The following PAX5 variants were observed in gnomAD, a reference collection of about 807,000 sequenced individuals.
PAX5 encodes the protein paired box 5.
PAX5 carries 9 observed loss-of-function variants against 43.7 expected under a neutral mutation model. The observed-to-expected ratio is 0.21, with a 90% confidence interval of 0.12 to 0.36. PAX5 has a LOEUF of 0.36. Among genes scored for constraint, PAX5 ranks in the 10% least tolerant of loss-of-function variants. The pLI is 1.00. For missense variants in PAX5, 383 were observed against 532.7 expected, an observed-to-expected ratio of 0.72 and a Z score of 2.77; for synonymous variants, 228 against 214.3, an observed-to-expected ratio of 1.06 and a Z score of -0.56.
intron 7 of PAX5, among the ~76,000 whole-genome samples, chr9:36,886,985 T>C (rs1172197880): frequency 2.0e-5 from 3 of 152,148 alleles, no homozygotes; most frequent in Admixed American, 6.5e-5. Context: ...ACTCACTCTT[T>C]GCAATCCTGA....
In PAX5 at chr9:37,020,813, C is replaced by G. The variant is rs761950646; in HGVS notation, c.47-12G>C. On this transcript the variant is annotated splice_polypyrimidine_tract_variant and intron_variant, in intron 1 of 9. Coordinates refer to ENST00000358127, the MANE Select transcript of PAX5 (RefSeq NM_016734.3). ...CACTCCTCCATGTCCTGAAACAGAT[C>G]AGAAACAAAAGGAAAGGGAAAGGGT... 8.1e-6 allele frequency: 13 copies of G among 1,613,382 alleles called. No homozygotes were observed. The highest frequency in any genetic ancestry group is 1.0e-5 in the Non-Finnish European group (12 of 1,179,406).
chr9:36,866,186 G>C (rs1044306189), intron 8 of PAX5, among the ~76,000 whole-genome samples: 2 of 152,242 alleles, frequency 1.3e-5, no homozygotes, highest in Admixed American at 6.5e-5. Flanking sequence ...GCCTCACCAG[G>C]GAGCGTTCGA....
chr9:36,946,070 TCC>T (rs1832478657), intron 6 of PAX5, among the ~76,000 whole-genome samples: 1 of 151,942 alleles, frequency 6.6e-6, no homozygotes, highest in African/African-American at 2.4e-5. Flanking sequence ...AGGAAGCGAC[TCC>T]CTGAGGAGTG....
chr9:36,910,797 T>G (rs1311783759), intron 7 of PAX5, among the ~76,000 whole-genome samples: 2 of 152,178 alleles, frequency 1.3e-5, no homozygotes, highest in Non-Finnish European at 2.9e-5. Flanking sequence ...GACCCCGCGC[T>G]GTGTGAAGAG....
rs1564019898 is a variant in PAX5, at chr9:36,966,805, G to A, written c.605-81C>T. On this transcript the variant is annotated intron_variant, in intron 5 of 9. Transcript: ENST00000358127. ...AAGACAGGTCAGACCCTGAGACTAT[G>A]AAGAGGACCTGACCCCAACTCCCTC... 5 of 1,312,332 alleles carry A rather than the reference G, an allele frequency of 3.8e-6. No homozygotes were observed. The East Asian group carries it at 1.2e-4, about 31-fold the overall frequency. The allele number at this position is 1,312,332 out of a possible 1,614,324, so 81.3% of individuals were successfully genotyped here.
rs912522151 is a variant in PAX5 at position 36,834,042 on chromosome 9, T to G, written c.*6518A>C. On this transcript the variant is annotated 3_prime_UTR_variant, in exon 10 of 10. Coordinates refer to ENST00000358127, the MANE Select transcript of PAX5 (RefSeq NM_016734.3). ...TCCTGGCAAAGGTTTCCATTTGCAA[T>G]GTAATCTGCATTTCTACAAATACTC... The G allele has an allele frequency of 4.3e-6, 1 of 233,074 alleles. No individual in the cohort carries two copies. Among genetic ancestry groups the G allele is most frequent in the African/African-American group, 2.2e-5 (1 of 45,332 alleles). 14.4% of individuals were successfully genotyped at this position (233,074 alleles called of 1,614,324 possible). A position where few individuals can be genotyped will look rare whatever the true frequency, so the allele number is the denominator to read the frequency against.
chr9:36,921,167 C>T (rs1160243377), intron 7 of PAX5, among the ~76,000 whole-genome samples: 1 of 152,170 alleles, frequency 6.6e-6, no homozygotes, highest in East Asian at 1.9e-4. Context: ...ACTCACTTTA[C>T]TGAGATATTT....
intron 6 of PAX5, among the ~76,000 whole-genome samples, chr9:36,934,859 C>T (rs1831412553): frequency 6.6e-6 from 1 of 152,218 alleles, no homozygotes; most frequent in Non-Finnish European, 1.5e-5. Flanking sequence ...GCTCCTGGCC[C>T]AGTGCCCAGC....
chr9:37,034,098 C>CTTTCTTTTT lies in PAX5; in HGVS notation c.-68_-67insAAAAAGAAA, dbSNP rs1841297179. ...TCCACTTTTTTGTGCCTTTTTTTTTCTTTTTTTTTTTTTTTTTTTTTTTTT... is the reference window on the plus strand; with the variant it reads ...TCCACTTTTTTGTGCCTTTTTTTTTCTTTCTTTTTTTTTTTTTTTTTTTTTTTTTTTTTT... On this transcript the variant is annotated 5_prime_UTR_variant, in exon 1 of 10. Transcript: ENST00000358127. 2.1e-5 allele frequency: 5 copies of CTTTCTTTTT among 242,536 alleles called. No homozygotes were observed. In the African/African-American group the frequency reaches 2.4e-4, roughly 12 times the overall value. 15.0% of individuals were successfully genotyped at this position (242,536 alleles called of 1,614,324 possible). A position where few individuals can be genotyped will look rare whatever the true frequency, so the allele number is the denominator to read the frequency against.
At chr9:36,899,843 C>T (rs971946036) in intron 7 of PAX5, among the ~76,000 whole-genome samples, 1 of 152,214 alleles carries the variant, frequency 6.6e-6, no homozygotes, top group Non-Finnish European at 1.5e-5. Flanking sequence ...GCTCCACTGC[C>T]ACAACCCCCA....
chr9:36,918,611 T>C (rs1829894500), intron 7 of PAX5, among the ~76,000 whole-genome samples: 1 of 152,066 alleles, frequency 6.6e-6, no homozygotes, highest in South Asian at 2.1e-4. Flanking sequence ...CAGTGAGCCA[T>C]GATTGCACCA....
intron 7 of PAX5, among the ~76,000 whole-genome samples, chr9:36,890,399 G>A (rs890320762): frequency 7.2e-5 from 11 of 152,156 alleles, no homozygotes; most frequent in African/African-American, 2.7e-4. Flanking sequence ...AGGGAATATG[G>A]GGGAACTGGC....
intron 1 of PAX5, among the ~76,000 whole-genome samples, chr9:37,030,767 G>A (rs1039449152): frequency 6.6e-6 from 1 of 152,162 alleles, no homozygotes; most frequent in Non-Finnish European, 1.5e-5. Context: ...GCCTCCCAGC[G>A]CACTGCATTA....
chr9:36,834,090 TG>T lies in PAX5; in HGVS notation c.*6469del. 4.3e-6 allele frequency: 1 copy of T among 233,052 alleles called. No homozygotes were observed. Among genetic ancestry groups the T allele is most frequent in the Non-Finnish European group, 8.5e-6 (1 of 117,996 alleles). 14.4% of individuals were successfully genotyped at this position (233,052 alleles called of 1,614,324 possible). Reference sequence around the variant, plus strand: ...CTCAATGTCCAAGGCCACTAGAGGGTGAAAAACCAGGGCAGCGTCTTCCAGC... The same window carrying T: ...CTCAATGTCCAAGGCCACTAGAGGGTAAAAACCAGGGCAGCGTCTTCCAGC... On this transcript the variant is annotated 3_prime_UTR_variant, in exon 10 of 10. Transcript: ENST00000358127.
chr9:36,973,768 G>A (rs1247256800), intron 5 of PAX5, among the ~76,000 whole-genome samples: 1 of 152,150 alleles, frequency 6.6e-6, no homozygotes, highest in East Asian at 1.9e-4. Context: ...CAGTTTGGGA[G>A]GCCAAGGCAG....
chr9:36,928,661 C>T (rs1321299618), intron 6 of PAX5, among the ~76,000 whole-genome samples: 2 of 152,132 alleles, frequency 1.3e-5, no homozygotes, highest in Admixed American at 6.6e-5. Context: ...CGCTAACATC[C>T]CCTTCCCTCC....
At chr9:36,848,967 T>C (rs1445364653) in intron 8 of PAX5, among the ~76,000 whole-genome samples, 3 of 152,216 alleles carry the variant, frequency 2.0e-5, no homozygotes, top group African/African-American at 7.2e-5. Flanking sequence ...TCCTCTACCC[T>C]GTCCCCACCT....
rs1025970600 is a variant in PAX5, at chr9:36,837,604, C to T, written c.*2956G>A. On this transcript the variant is annotated 3_prime_UTR_variant, in exon 10 of 10. Coordinates refer to ENST00000358127, the MANE Select transcript of PAX5 (RefSeq NM_016734.3). ...ATCCTCACCAAGCTCCCAGGCAGCT[C>T]CGCTGGACCACGAGGTGCTGTGAAT... 7 of 233,220 alleles carry T rather than the reference C, an allele frequency of 3.0e-5. No individual in the cohort carries two copies. The highest frequency in any genetic ancestry group is 1.5e-4 in the African/African-American group (7 of 45,330). 14.4% of individuals were successfully genotyped at this position (233,220 alleles called of 1,614,324 possible). A position where few individuals can be genotyped will look rare whatever the true frequency, so the allele number is the denominator to read the frequency against.
Position 37,034,098 on chromosome 9 carries a change from CTTTTTTTTTTTTTTTTT to C in PAX5, c.-84_-68del, listed in dbSNP as rs576653546. On this transcript the variant is annotated 5_prime_UTR_variant, in exon 1 of 10. Transcript: ENST00000358127. ...TCCACTTTTTTGTGCCTTTTTTTTT[CTTTTTTTTTTTTTTTTT>C]TTTTTTTTTTTGGTGCCAGGGGCCG... The C allele has an allele frequency of 4.7e-5, 15 of 320,068 alleles. No individual in the cohort carries two copies. The highest frequency in any genetic ancestry group is 1.8e-4 in the South Asian group (6 of 33,904). The allele number at this position is 320,068 out of a possible 1,614,324, so 19.8% of individuals were successfully genotyped here. A position where few individuals can be genotyped will look rare whatever the true frequency, so the allele number is the denominator to read the frequency against.
Sources: gnomAD v4.1 joint callset for allele counts (sites outside exome capture counted in the v4.1 genomes callset) on GRCh38, gnomAD v4.1.1 for gene constraint, MANE v1.5 for transcripts, NCBI Gene and HGNC (gene_info 2026-07-23, HGNC 2026-07-21) for gene names.